The following MTFR1 variants were observed in gnomAD, a reference collection of about 807,000 sequenced individuals.
The protein encoded by MTFR1 is mitochondrial fission regulator 1, also known as chondrocyte protein with a poly-proline region.
MTFR1 carries 28 observed loss-of-function variants against 38.8 expected under a neutral mutation model. The observed-to-expected ratio is 0.72, with a 90% confidence interval of 0.53 to 0.99. The LOEUF (loss-of-function observed/expected upper bound fraction) is 0.99. MTFR1 is among the 50% of genes least tolerant of loss of function. MTFR1 has a pLI of 0.00. For synonymous variants in MTFR1, 145 were observed against 137.0 expected (o/e 1.06, Z -0.41); for missense variants, 358 against 395.5 (o/e 0.91, Z 0.81).
rs61063663 is a variant in MTFR1, at chr8:65,705,121, C to G, written c.517+192C>G. ...CAGGCAGATCACGAGGTCAGGAGACCGAGACCATCCTGGCCAACATGGTGA... is the reference window on the plus strand; with the variant it reads ...CAGGCAGATCACGAGGTCAGGAGACGGAGACCATCCTGGCCAACATGGTGA... On this transcript the variant is annotated intron_variant, in intron 5 of 7. Transcript: ENST00000262146. 7.7e-3 allele frequency among the ~76,000 whole-genome samples: 1,165 copies of G among 152,102 alleles called. 6 individuals carry two copies. Among genetic ancestry groups the G allele is most frequent in the African/African-American group, 0.025 (1,056 of 41,516 alleles).
At chr8:65,745,594 C>A in intron 3 of MTFR1, 1 of 606,194 alleles carries the variant, frequency 1.6e-6, no homozygotes. Context: ...ATACAAGTAT[C>A]ATTTTTCTTT....
At chr8:65,729,966 T>C (rs1806784357) in intron 3 of MTFR1, among the ~76,000 whole-genome samples, 1 of 151,776 alleles carries the variant, frequency 6.6e-6, no homozygotes. Flanking sequence ...AAGGCGGTCC[T>C]CGCAGGGCTC....
intron 3 of MTFR1, among the ~76,000 whole-genome samples, chr8:65,767,473 T>C (rs139953493): frequency 4.6e-5 from 7 of 152,354 alleles, no homozygotes; most frequent in African/African-American, 1.7e-4. Flanking sequence ...AGTCTTTTAT[T>C]AAAACGTTGG....
chr8:65,696,867 G>C (rs575512725), intron 4 of MTFR1, among the ~76,000 whole-genome samples: 1 of 151,690 alleles, frequency 6.6e-6, no homozygotes, highest in South Asian at 2.1e-4. Context: ...CACCATGTTG[G>C]CCAGGCTGGT....
At chr8:65,777,526 T>C in the MTFR1 span, among the ~76,000 whole-genome samples, 3 of 152,352 alleles carry the variant, frequency 2.0e-5, no homozygotes, top group South Asian at 6.2e-4. Context: ...ATTTAGGATG[T>C]TTCCTCTATA....
chr8:65,687,587 C>T (rs1008935680), intron 3 of MTFR1, among the ~76,000 whole-genome samples: 2 of 151,924 alleles, frequency 1.3e-5, no homozygotes, highest in African/African-American at 2.4e-5. Context: ...CCTCGTGATC[C>T]GCCCGCCTCG....
chr8:65,735,017 G>C, intron 3 of MTFR1: 1 of 646,464 alleles, frequency 1.5e-6, no homozygotes, highest in Non-Finnish European at 2.8e-6. Context: ...AAATCGTGCC[G>C]ATTCGGGCAG....
At chr8:65,676,312 C>T (rs1196645057) in intron 2 of MTFR1, among the ~76,000 whole-genome samples, 1 of 152,148 alleles carries the variant, frequency 6.6e-6, no homozygotes, top group Non-Finnish European at 1.5e-5. Flanking sequence ...ATACATGAAC[C>T]TCTGCATTAA....
chr8:65,758,828 C>G (rs575106282), intron 3 of MTFR1, among the ~76,000 whole-genome samples: 3 of 152,266 alleles, frequency 2.0e-5, no homozygotes, highest in African/African-American at 7.2e-5. Context: ...AAGCAAAGCC[C>G]AATCCAGAAT....
chr8:65,721,543 C>T (rs1335141361), intron 3 of MTFR1, among the ~76,000 whole-genome samples: 1 of 152,126 alleles, frequency 6.6e-6, no homozygotes, highest in African/African-American at 2.4e-5. Context: ...TCAACAATCA[C>T]CATCAGATCA....
At chr8:65,715,905 G>A (rs1262696368) in intron 2 of MTFR1, among the ~76,000 whole-genome samples, 1 of 146,446 alleles carries the variant, frequency 6.8e-6, no homozygotes, top group Non-Finnish European at 1.5e-5. Context: ...GGAGAATGAG[G>A]AGAATGGCGT....
intron 3 of MTFR1, among the ~76,000 whole-genome samples, chr8:65,732,520 C>T (rs1258668324): frequency 6.6e-6 from 1 of 152,148 alleles, no homozygotes; most frequent in Non-Finnish European, 1.5e-5. Context: ...CTTCAGGCAT[C>T]TATCTAATCT....
At chr8:65,737,246 C>A (rs1807179303) in intron 3 of MTFR1, among the ~76,000 whole-genome samples, 1 of 152,050 alleles carries the variant, frequency 6.6e-6, no homozygotes, top group South Asian at 2.1e-4. Context: ...GGCTTTAAGG[C>A]TTAATTCTCT....
At chr8:65,719,982 C>T (rs17304488) in intron 3 of MTFR1, among the ~76,000 whole-genome samples, 6,317 of 152,272 alleles carry the variant, frequency 0.041, 195 homozygotes, top group Non-Finnish European at 0.062. Context: ...CTGGTCATGA[C>T]TACAATTGGT....
At chr8:65,698,395 C>T (rs1441713584) in intron 4 of MTFR1, among the ~76,000 whole-genome samples, 2 of 151,954 alleles carry the variant, frequency 1.3e-5, no homozygotes, top group Non-Finnish European at 2.9e-5. Context: ...CCACCTTAGC[C>T]TCCCAAAGTG....
intron 3 of MTFR1, among the ~76,000 whole-genome samples, chr8:65,768,086 G>A (rs1320828488): frequency 6.6e-6 from 1 of 152,160 alleles, no homozygotes; most frequent in Non-Finnish European, 1.5e-5. Flanking sequence ...ACCGCTTGGT[G>A]TGTTGGGAGA....
intron 3 of MTFR1, chr8:65,739,423 G>T: frequency 7.1e-7 from 1 of 1,415,192 alleles, no homozygotes; most frequent in East Asian, 2.8e-5. Context: ...ATAGCTAACC[G>T]ATATAACTGA....
downstream of MTFR1, among the ~76,000 whole-genome samples, chr8:65,713,468 AC>A (rs1481584383): frequency 3.3e-5 from 5 of 151,620 alleles, no homozygotes; most frequent in African/African-American, 1.2e-4. Context: ...ACACACACAC[AC>A]ACACACACAC....
chr8:65,671,540 TAAAA>T (rs34214439), intron 2 of MTFR1, among the ~76,000 whole-genome samples: 1 of 124,614 alleles, frequency 8.0e-6, no homozygotes. Flanking sequence ...ACCCTATCTT[TAAAA>T]AAAAAAAAAA....
Sources: allele counts gnomAD v4.1 joint callset (sites outside exome capture counted in the v4.1 genomes callset), GRCh38; gene constraint gnomAD v4.1.1; transcripts MANE v1.5; gene names NCBI Gene and HGNC (gene_info 2026-07-23, HGNC 2026-07-21).